ERICH6B: variants seen among roughly 807,000 people sequenced by gnomAD.
ERICH6B encodes the protein glutamate-rich protein 6B.
Under a neutral mutation model 80.0 loss-of-function variants are expected in ERICH6B, and 69 were observed. That is an observed-to-expected ratio of 0.86 (90% confidence interval 0.71 to 1.05). The LOEUF (loss-of-function observed/expected upper bound fraction) is 1.05, where lower values mean the gene tolerates loss of function less well. Among genes scored for constraint, ERICH6B ranks in the 50% least tolerant of loss-of-function variants. The probability of loss-of-function intolerance (pLI) is 0.00; values close to 1 mark genes in which losing one functional copy is unlikely to be tolerated. For missense variants in ERICH6B, 754 were observed against 796.1 expected (o/e 0.95, Z 0.64); for synonymous variants, 283 against 291.9 (o/e 0.97, Z 0.31).
intron 6 of ERICH6B, 70 bp from the exon 7 acceptor site, chr13:45,580,044 T>C: frequency 8.1e-7 from 1 of 1,241,080 alleles, no homozygotes; most frequent in Non-Finnish European, 1.1e-6. Flanking sequence ...TTTAATCCCT[T>C]ATGGAATCAA....
chr13:45,606,710 T>C (rs1949869035), intron 2 of ERICH6B, among the ~76,000 whole-genome samples: 1 of 151,030 alleles, frequency 6.6e-6, no homozygotes, highest in African/African-American at 2.4e-5. Context: ...CCCATCACCA[T>C]GCGTGTCTAA....
chr13:45,574,511 G>C (rs1182805467), intron 8 of ERICH6B, among the ~76,000 whole-genome samples: 1 of 152,154 alleles, frequency 6.6e-6, no homozygotes, highest in Non-Finnish European at 1.5e-5. Context: ...GGTGGTGGTG[G>C]TCACAGGCCT....
At chr13:45,543,484 G>T (rs1873869116) in intron 14 of ERICH6B, among the ~76,000 whole-genome samples, 1 of 152,140 alleles carries the variant, frequency 6.6e-6, no homozygotes, top group African/African-American at 2.4e-5. Flanking sequence ...GTCCTTTTAA[G>T]AAAAAAGACG....
intron 2 of ERICH6B, among the ~76,000 whole-genome samples, chr13:45,600,274 T>C (rs1026301994): frequency 3.3e-5 from 5 of 152,194 alleles, no homozygotes; most frequent in African/African-American, 7.2e-5. Flanking sequence ...ACAAGAATTC[T>C]TTGCTTGACC....
At chr13:45,572,132 C>G (rs1482510627) in intron 8 of ERICH6B, among the ~76,000 whole-genome samples, 1 of 152,222 alleles carries the variant, frequency 6.6e-6, no homozygotes, top group Non-Finnish European at 1.5e-5. Context: ...CTGGATATCT[C>G]ATAGAAACTT....
At chr13:45,614,682 G>A (rs976853663) in intron 1 of ERICH6B, among the ~76,000 whole-genome samples, 2 of 152,226 alleles carry the variant, frequency 1.3e-5, no homozygotes, top group Non-Finnish European at 2.9e-5. Context: ...ATGGATCAAG[G>A]TGAGAAGCCT....
At chr13:45,569,137 T>A (rs1331406097) in intron 8 of ERICH6B, among the ~76,000 whole-genome samples, 2 of 152,206 alleles carry the variant, frequency 1.3e-5, no homozygotes, top group African/African-American at 4.8e-5. Context: ...GGTGCCTTTT[T>A]TTTTTTAAGA....
chr13:45,604,530 G>T (rs1949846086), intron 2 of ERICH6B, among the ~76,000 whole-genome samples: 1 of 152,084 alleles, frequency 6.6e-6, no homozygotes, highest in Non-Finnish European at 1.5e-5. Context: ...CACTTCATAG[G>T]TAAGGAAAAT....
chr13:45,578,316 A>C (rs755925427), intron 7 of ERICH6B, among the ~76,000 whole-genome samples: 25 of 152,148 alleles, frequency 1.6e-4, no homozygotes, highest in Non-Finnish European at 3.2e-4. Context: ...CTTGGGTATA[A>C]ATTCTCACTT....
chr13:45,580,755 T>C, intron 5 of ERICH6B, 90 bp from the exon 6 acceptor site: 1 of 1,338,936 alleles, frequency 7.5e-7, no homozygotes, highest in Non-Finnish European at 1.0e-6. Context: ...TCCCAGGTTC[T>C]TTCTTGGCAC....
In ERICH6B at chr13:45,550,269, G is replaced by A. The variant is rs372935286; in HGVS notation, c.1455C>T (p.Val485=). ...GKLILYPNKN[V]YQILFPDGTG... The stretch of plus-strand genomic sequence containing the variant: ...TCCCATCAGGAAAGAGAATTTGATA[G>A]ACATTCTTGTTGGGGTAGAGAATTA... The change falls in exon 12 of 15, where the codon GTC becomes GTT. Residue 485 remains valine (V), a synonymous_variant. Coordinates refer to ENST00000298738, the MANE Select transcript of ERICH6B (RefSeq NM_182542.3). The A allele has an allele frequency of 4.6e-4, 713 of 1,551,512 alleles. 2 individuals carry two copies. The highest frequency in any genetic ancestry group is 5.7e-4 in the Non-Finnish European group (650 of 1,146,928).
intron 2 of ERICH6B, among the ~76,000 whole-genome samples, chr13:45,600,576 G>A (rs750496789): frequency 6.6e-6 from 1 of 152,092 alleles, no homozygotes; most frequent in Non-Finnish European, 1.5e-5. Context: ...CACACTGTAT[G>A]CCTACTCAGA....
At chr13:45,609,803 GA>G (rs1254997122) in intron 1 of ERICH6B, among the ~76,000 whole-genome samples, 21 of 152,232 alleles carry the variant, frequency 1.4e-4, no homozygotes, top group Admixed American at 6.5e-4. Flanking sequence ...TACGCTCTGA[GA>G]AACTGCATCA....
rs1186352220 is a variant in ERICH6B, at chr13:45,544,924, T to C, written c.1708A>G (p.Asn570Asp). ...ACATGGATGTTCAGATTCCACCAGT[T>C]CCAGGCCTTCTGGCGTTTGTCTTTG... ...FPKDKRQKAWNWWNLNIHVHA... is the reference protein window; with the variant it reads ...FPKDKRQKAWDWWNLNIHVHA... The change falls in exon 14 of 15, where the codon AAC (asparagine) becomes GAC (aspartate). Residue 570 changes from asparagine to aspartate, a missense_variant. By Grantham distance (23) the Asn-to-Asp change is conservative. Transcript: ENST00000298738. The C allele has an allele frequency of 9.0e-6, 14 of 1,551,590 alleles. No individual in the cohort carries two copies. Among genetic ancestry groups the C allele is most frequent in the Non-Finnish European group, 1.1e-5 (13 of 1,147,014 alleles).
chr13:45,596,526 C>T lies in ERICH6B; in HGVS notation c.480G>A (p.Lys160=), dbSNP rs1278630655. The T allele has an allele frequency of 2.6e-6, 4 of 1,552,116 alleles. No homozygotes were observed. Among genetic ancestry groups the T allele is most frequent in the Non-Finnish European group, 3.5e-6 (4 of 1,147,006 alleles). The stretch of plus-strand genomic sequence containing the variant: ...ACTCCTCCTCCTCCAGATACGCTTT[C>T]TTCCCCAGATAATCTACCTCCTCAA... ...DYIEEVDYLG[K]KAYLEEEEYL... The change falls in exon 3 of 15, where the codon AAG becomes AAA. Residue 160 remains lysine (K), a synonymous_variant. Transcript: ENST00000298738.
intron 2 of ERICH6B, among the ~76,000 whole-genome samples, chr13:45,598,208 T>C (rs1217419572): frequency 1.3e-5 from 2 of 152,148 alleles, no homozygotes; most frequent in African/African-American, 4.8e-5. Flanking sequence ...TCTTGTTCAA[T>C]TTTTTTCTTC....
At chr13:45,591,372 G>A (rs79926029) in intron 3 of ERICH6B, among the ~76,000 whole-genome samples, 14,205 of 152,230 alleles carry the variant, frequency 0.093, 847 homozygotes, top group East Asian at 0.29. Context: ...TGAGGCGGGC[G>A]GATCACAAGG....
chr13:45,563,693 A>G, intron 10 of ERICH6B, 34 bp downstream of exon 10: 1 of 1,535,610 alleles, frequency 6.5e-7, no homozygotes, highest in Non-Finnish European at 8.8e-7. Context: ...CAGGAGAGCC[A>G]GCACGTGGTG....
At chr13:45,569,750 C>A (rs568470588) in intron 8 of ERICH6B, among the ~76,000 whole-genome samples, 1 of 152,306 alleles carries the variant, frequency 6.6e-6, no homozygotes, top group East Asian at 1.9e-4. Flanking sequence ...TATGGCTGGC[C>A]AGTGTTTCTA....
Sources: gnomAD v4.1 joint callset for allele counts (sites outside exome capture counted in the v4.1 genomes callset) on GRCh38, gnomAD v4.1.1 for gene constraint, MANE v1.5 for transcripts, NCBI Gene and HGNC (gene_info 2026-07-23, HGNC 2026-07-21) for gene names.